The following TUSC3 variants were observed in gnomAD, a reference collection of about 807,000 sequenced individuals.
TUSC3 encodes the protein dolichyl-diphosphooligosaccharide--protein glycosyltransferase subunit TUSC3.
Under a neutral mutation model 44.8 loss-of-function variants are expected in TUSC3, and 45 were observed. That is an observed-to-expected ratio of 1.00 (90% confidence interval 0.79 to 1.29). The LOEUF is 1.29. Ranked by LOEUF, TUSC3 falls within the 50% of genes most tolerant of loss-of-function variation. The probability of loss-of-function intolerance (pLI) is 0.00; values close to 1 mark genes in which losing one functional copy is unlikely to be tolerated. For missense variants in TUSC3, 519 were observed against 437.9 expected, an observed-to-expected ratio of 1.19 and a Z score of -1.65; for synonymous variants, 212 against 152.9, an observed-to-expected ratio of 1.39 and a Z score of -2.85.
At chr8:15,428,968 A>G (rs545177109) in intron 1 of TUSC3, among the ~76,000 whole-genome samples, 17 of 152,228 alleles carry the variant, frequency 1.1e-4, no homozygotes, top group African/African-American at 3.9e-4. Flanking sequence ...GAAGCTCTTT[A>G]GTTTAATTAC....
chr8:15,516,968 T>C (rs1801224429), intron 2 of TUSC3, among the ~76,000 whole-genome samples: 1 of 152,192 alleles, frequency 6.6e-6, no homozygotes, highest in Non-Finnish European at 1.5e-5. Flanking sequence ...GTAAAAATTT[T>C]AATTAAATGT....
intron 6 of TUSC3, chr8:15,689,174 C>T (rs1585232472): frequency 2.5e-6 from 1 of 402,746 alleles, no homozygotes; most frequent in South Asian, 2.1e-5. Flanking sequence ...CTTCTTGCTT[C>T]GGAGAATAAG....
chr8:15,672,896 C>G (rs1808011330), intron 5 of TUSC3, among the ~76,000 whole-genome samples: 1 of 151,986 alleles, frequency 6.6e-6, no homozygotes, highest in Admixed American at 6.6e-5. Context: ...GGTACAAATG[C>G]CTATCAGAGC....
intron 6 of TUSC3, among the ~76,000 whole-genome samples, chr8:15,715,643 C>T (rs1423188327): frequency 6.6e-6 from 1 of 151,462 alleles, no homozygotes; most frequent in African/African-American, 2.4e-5. Context: ...ACCGATACCA[C>T]AGAAAGTAAA....
At chr8:15,520,791 A>G (rs1257504558) in intron 2 of TUSC3, among the ~76,000 whole-genome samples, 1 of 152,234 alleles carries the variant, frequency 6.6e-6, no homozygotes, top group African/African-American at 2.4e-5. Context: ...ACAAACATAC[A>G]GTAAGGTTTT....
At chr8:15,670,656 G>A (rs1807907902) in intron 5 of TUSC3, among the ~76,000 whole-genome samples, 1 of 151,602 alleles carries the variant, frequency 6.6e-6, no homozygotes, top group Non-Finnish European at 1.5e-5. Context: ...CATAAGAAGT[G>A]GTAACCATAA....
At chr8:15,417,948 C>T (rs905655622) in intron 1 of TUSC3, among the ~76,000 whole-genome samples, 7 of 152,114 alleles carry the variant, frequency 4.6e-5, no homozygotes, top group African/African-American at 1.7e-4. Flanking sequence ...TTCTTTGCAA[C>T]ATTACAGAAA....
chr8:15,774,368 A>G, the TUSC3 span, among the ~76,000 whole-genome samples: 2 of 152,144 alleles, frequency 1.3e-5, no homozygotes, highest in Admixed American at 6.6e-5. Context: ...CTAATCCAGT[A>G]TTACTGGTGC....
intron 2 of TUSC3, among the ~76,000 whole-genome samples, chr8:15,517,442 C>G (rs935869943): frequency 2.2e-5 from 3 of 138,924 alleles, no homozygotes; most frequent in African/African-American, 2.7e-5. Context: ...TTATATACAT[C>G]TATACACCTA....
intron 9 of TUSC3, chr8:15,748,993 G>T (rs17674901): frequency 2.9e-6 from 1 of 344,254 alleles, no homozygotes; most frequent in African/African-American, 2.2e-5. Flanking sequence ...TTCAAAGGCC[G>T]CATTATTATT....
At chr8:15,561,096 C>G (rs1802441517) in intron 1 of TUSC3, among the ~76,000 whole-genome samples, 1 of 116,606 alleles carries the variant, frequency 8.6e-6, no homozygotes, top group Non-Finnish European at 1.8e-5. Flanking sequence ...TTTAGAGTTT[C>G]CAGTTTTTCT....
the TUSC3 span, among the ~76,000 whole-genome samples, chr8:15,817,713 G>A: frequency 2.0e-5 from 3 of 152,156 alleles, no homozygotes; most frequent in African/African-American, 7.2e-5. Flanking sequence ...GTAGAACTGT[G>A]AGTCAATTAA....
chr8:15,642,068 G>C (rs1472560223), intron 2 of TUSC3, among the ~76,000 whole-genome samples: 1 of 152,126 alleles, frequency 6.6e-6, no homozygotes, highest in Non-Finnish European at 1.5e-5. Flanking sequence ...GAAAAGAATA[G>C]TCCAAGAACA....
At chr8:15,774,341 C>A in the TUSC3 span, among the ~76,000 whole-genome samples, 1 of 152,088 alleles carries the variant, frequency 6.6e-6, no homozygotes, top group Admixed American at 6.6e-5. Flanking sequence ...TGAGGTCATA[C>A]TGGAATAAGA....
At chr8:15,524,885 C>T (rs980446558) in intron 2 of TUSC3, among the ~76,000 whole-genome samples, 1 of 152,168 alleles carries the variant, frequency 6.6e-6, no homozygotes, top group Non-Finnish European at 1.5e-5. Context: ...AAAACACTGT[C>T]ACTCTTCTGT....
chr8:15,756,273 C>T (rs1028511563), intron 9 of TUSC3, among the ~76,000 whole-genome samples: 27 of 152,234 alleles, frequency 1.8e-4, no homozygotes, highest in Non-Finnish European at 2.9e-4. Flanking sequence ...AGTTACCTCT[C>T]TCTCTATATT....
chr8:15,682,685 G>C (rs1808474215), intron 6 of TUSC3, among the ~76,000 whole-genome samples: 1 of 152,106 alleles, frequency 6.6e-6, no homozygotes, highest in Non-Finnish European at 1.5e-5. Context: ...TCCTATCGTG[G>C]TGGTGTTAGC....
intron 2 of TUSC3, among the ~76,000 whole-genome samples, chr8:15,642,120 C>G (rs1007382681): frequency 6.6e-6 from 1 of 152,066 alleles, no homozygotes; most frequent in Non-Finnish European, 1.5e-5. Context: ...TGGTAGTCTG[C>G]CAGTTCATTA....
At chr8:15,691,908 G>A (rs527632345) in intron 6 of TUSC3, among the ~76,000 whole-genome samples, 54 of 152,042 alleles carry the variant, frequency 3.6e-4, no homozygotes, top group Non-Finnish European at 6.6e-4. Flanking sequence ...CCTCACCCAA[G>A]TAACTGGGAT....
Sources: gnomAD v4.1 joint callset for allele counts (sites outside exome capture counted in the v4.1 genomes callset) on GRCh38, gnomAD v4.1.1 for gene constraint, MANE v1.5 for transcripts, NCBI Gene and HGNC (gene_info 2026-07-23, HGNC 2026-07-21) for gene names.